The following SLC71A2 variants were observed in gnomAD, a reference collection of about 807,000 sequenced individuals.
The protein encoded by SLC71A2 is solute carrier family 71 member 2, also known as hippocampus abundant transcript-like 1.
At chr9:94,392,928 A>G in the SLC71A2 span, among the ~76,000 whole-genome samples, 1 of 151,692 alleles carries the variant, frequency 6.6e-6, no homozygotes, top group Non-Finnish European at 1.5e-5. Flanking sequence ...ACATGCTGCT[A>G]CCACCCCCTT....
the SLC71A2 span, among the ~76,000 whole-genome samples, chr9:94,450,971 T>C: frequency 6.6e-6 from 1 of 152,150 alleles, no homozygotes; most frequent in Non-Finnish European, 1.5e-5. Flanking sequence ...GAGAGCCTGA[T>C]TTAACTGGTC....
the SLC71A2 span, among the ~76,000 whole-genome samples, chr9:94,412,219 A>G: frequency 6.6e-6 from 1 of 152,200 alleles, no homozygotes; most frequent in African/African-American, 2.4e-5. Context: ...GAACTGGTTC[A>G]TATTTCTTGC....
the SLC71A2 span, among the ~76,000 whole-genome samples, chr9:94,381,240 T>C: frequency 6.7e-6 from 1 of 150,284 alleles, no homozygotes; most frequent in African/African-American, 2.5e-5. Context: ...TTCTCCATGT[T>C]GGTCAGGCTG....
chr9:94,444,825 C>A, the SLC71A2 span: 1 of 671,940 alleles, frequency 1.5e-6, no homozygotes, highest in Non-Finnish European at 2.6e-6. Flanking sequence ...AGCATGGCTG[C>A]AGGTATGCAC....
At chr9:94,414,851 G>T in the SLC71A2 span, among the ~76,000 whole-genome samples, 1 of 151,868 alleles carries the variant, frequency 6.6e-6, no homozygotes, top group Non-Finnish European at 1.5e-5. Context: ...GTAGAGGTGG[G>T]GTTTCACTAT....
At chr9:94,451,966 C>G in the SLC71A2 span, among the ~76,000 whole-genome samples, 1 of 152,218 alleles carries the variant, frequency 6.6e-6, no homozygotes, top group Non-Finnish European at 1.5e-5. Flanking sequence ...ATCCCAGGCC[C>G]CTGGGGGCCT....
chr9:94,458,295 G>C, the SLC71A2 span: 9 of 1,590,512 alleles, frequency 5.7e-6, no homozygotes, highest in Admixed American at 1.9e-5. Flanking sequence ...TGAGAAGACT[G>C]GCATTATTTT....
chr9:94,419,571 C>T, the SLC71A2 span, among the ~76,000 whole-genome samples: 4 of 152,300 alleles, frequency 2.6e-5, no homozygotes, highest in Admixed American at 6.5e-5. Context: ...TCCCAAAGTG[C>T]TGGGATCACT....
chr9:94,446,352 G>T, the SLC71A2 span, among the ~76,000 whole-genome samples: 1 of 152,200 alleles, frequency 6.6e-6, no homozygotes, highest in South Asian at 2.1e-4. Context: ...TGGCTGGAGC[G>T]TACTTATTTG....
At chr9:94,378,533 C>T in the SLC71A2 span, among the ~76,000 whole-genome samples, 1 of 151,964 alleles carries the variant, frequency 6.6e-6, no homozygotes, top group Non-Finnish European at 1.5e-5. Context: ...GAGGCTGAGA[C>T]AGGAGAATTG....
the SLC71A2 span, among the ~76,000 whole-genome samples, chr9:94,442,147 G>A: frequency 1.3e-5 from 2 of 152,178 alleles, no homozygotes; most frequent in African/African-American, 4.8e-5. Flanking sequence ...ATAGGTTGGA[G>A]GGAGATTGAA....
the SLC71A2 span, chr9:94,445,324 AGG>A: frequency 7.6e-6 from 5 of 660,852 alleles, no homozygotes; most frequent in East Asian, 1.1e-4. Context: ...ATTGCAAGTA[AGG>A]GATTGAGTTA....
At chr9:94,408,471 G>A in the SLC71A2 span, among the ~76,000 whole-genome samples, 2 of 152,106 alleles carry the variant, frequency 1.3e-5, no homozygotes, top group Non-Finnish European at 2.9e-5. Context: ...CTTGGGAAGA[G>A]GTTTAATTCT....
chr9:94,406,941 A>G, the SLC71A2 span, among the ~76,000 whole-genome samples: 1 of 152,182 alleles, frequency 6.6e-6, no homozygotes, highest in Non-Finnish European at 1.5e-5. Context: ...GTATTGTATT[A>G]TACTGAATAG....
the SLC71A2 span, among the ~76,000 whole-genome samples, chr9:94,426,127 A>G: frequency 6.7e-6 from 1 of 148,604 alleles, no homozygotes; most frequent in Non-Finnish European, 1.5e-5. Context: ...AGTACTCTAT[A>G]GGATTATGTG....
At chr9:94,406,237 T>C in the SLC71A2 span, among the ~76,000 whole-genome samples, 1 of 151,338 alleles carries the variant, frequency 6.6e-6, no homozygotes, top group East Asian at 1.9e-4. Flanking sequence ...CTGGCTAAGT[T>C]TTTTGATTAT....
chr9:94,434,826 GATAA>G, the SLC71A2 span, among the ~76,000 whole-genome samples: 5 of 152,264 alleles, frequency 3.3e-5, no homozygotes, highest in East Asian at 1.9e-4. Flanking sequence ...GAGAGAGAAA[GATAA>G]ATAATTTGCC....
the SLC71A2 span, among the ~76,000 whole-genome samples, chr9:94,427,077 T>G: frequency 1.3e-5 from 2 of 152,228 alleles, no homozygotes; most frequent in Admixed American, 1.3e-4. Flanking sequence ...AATACACCTT[T>G]TATTATTAGG....
At chr9:94,438,135 A>G in the SLC71A2 span, among the ~76,000 whole-genome samples, 20 of 151,982 alleles carry the variant, frequency 1.3e-4, no homozygotes, top group African/African-American at 4.1e-4. Context: ...ACGAGGTTTC[A>G]CCATGTTGGC....
Sources: gnomAD v4.1 joint callset for allele counts (sites outside exome capture counted in the v4.1 genomes callset) on GRCh38, gnomAD v4.1.1 for gene constraint, MANE v1.5 for transcripts, NCBI Gene and HGNC (gene_info 2026-07-23, HGNC 2026-07-21) for gene names.